TMEFF2: variants seen among roughly 807,000 people sequenced by gnomAD.
The protein encoded by TMEFF2 is transmembrane protein with EGF like and two follistatin like domains 2.
A neutral mutation model predicts 53.8 loss-of-function variants in TMEFF2; 28 were observed. That is an observed-to-expected ratio of 0.52 (90% CI 0.39 to 0.71). TMEFF2 has a LOEUF of 0.71. Ranked by LOEUF, TMEFF2 falls within the 30% of genes least tolerant of loss-of-function variation. The probability of loss-of-function intolerance (pLI) is 0.00; values close to 1 mark genes in which losing one functional copy is unlikely to be tolerated. For synonymous variants in TMEFF2, 162 were observed against 166.3 expected (o/e 0.97, Z 0.20); for missense variants, 353 against 455.2 (o/e 0.78, Z 2.04).
intron 2 of TMEFF2, among the ~76,000 whole-genome samples, chr2:192,185,172 A>T (rs1559162645): frequency 6.6e-6 from 1 of 152,102 alleles, no homozygotes; most frequent in Non-Finnish European, 1.5e-5. Flanking sequence ...CTATTAATAG[A>T]TATTCCATAA....
Position 191,992,839 on chromosome 2 carries a change from A to G in TMEFF2, c.745+5423T>C, listed in dbSNP as rs1686140107. The G allele has an allele frequency of 2.0e-5, 3 of 152,096 alleles. No individual in the cohort carries two copies. In the South Asian group the frequency reaches 6.2e-4, roughly 32 times the overall value. 9.4% of individuals were successfully genotyped at this position (152,096 alleles called of 1,614,324 possible). On this transcript the variant is annotated intron_variant, in intron 7 of 9. Transcript: ENST00000272771. ...ATAGATTTGAGTAACTCTTTTGAGC[A>G]TCTCACAAAACGTAACATCATGATG...
intron 7 of TMEFF2, among the ~76,000 whole-genome samples, chr2:191,997,646 T>G (rs1686254909): frequency 6.6e-6 from 1 of 151,626 alleles, no homozygotes; most frequent in Non-Finnish European, 1.5e-5. Flanking sequence ...TCTAGAAAAG[T>G]TAGATTAGCT....
At chr2:192,076,783 T>G (rs1289994297) in intron 4 of TMEFF2, among the ~76,000 whole-genome samples, 1 of 152,118 alleles carries the variant, frequency 6.6e-6, no homozygotes, top group East Asian at 1.9e-4. Flanking sequence ...TGGGGCAGGG[T>G]GTCCCACCAC....
chr2:192,113,057 T>C (rs543453235), intron 4 of TMEFF2, among the ~76,000 whole-genome samples: 1 of 152,338 alleles, frequency 6.6e-6, no homozygotes, highest in East Asian at 1.9e-4. Context: ...GAAATAATGA[T>C]CTGAAAATCT....
chr2:192,189,067 T>C (rs1691394779), intron 2 of TMEFF2, among the ~76,000 whole-genome samples: 1 of 152,192 alleles, frequency 6.6e-6, no homozygotes, highest in East Asian at 1.9e-4. Flanking sequence ...TCTCACCGGG[T>C]TGTGAGAAAT....
At chr2:192,058,552 C>T (rs1326326565) in intron 4 of TMEFF2, among the ~76,000 whole-genome samples, 1 of 152,020 alleles carries the variant, frequency 6.6e-6, no homozygotes, top group African/African-American at 2.4e-5. Context: ...GTTAGTCTTT[C>T]AAAATCAGGA....
chr2:192,186,114 A>G (rs148441125), intron 2 of TMEFF2, among the ~76,000 whole-genome samples: 75 of 152,282 alleles, frequency 4.9e-4, no homozygotes, highest in Non-Finnish European at 7.8e-4. Context: ...GACTCAGTCT[A>G]TGTATGTGAT....
chr2:191,969,256 A>T (rs1692563133), intron 7 of TMEFF2, among the ~76,000 whole-genome samples: 1 of 152,040 alleles, frequency 6.6e-6, no homozygotes, highest in Non-Finnish European at 1.5e-5. Context: ...TAGGCATAGG[A>T]GATATGTTTG....
At chr2:192,064,026 C>G (rs921635316) in intron 4 of TMEFF2, among the ~76,000 whole-genome samples, 1 of 151,712 alleles carries the variant, frequency 6.6e-6, no homozygotes, top group Non-Finnish European at 1.5e-5. Flanking sequence ...AGTCCTTTTA[C>G]TTCAATTATT....
intron 4 of TMEFF2, among the ~76,000 whole-genome samples, chr2:192,076,355 A>G (rs2105921307): frequency 6.6e-6 from 1 of 152,182 alleles, no homozygotes; most frequent in South Asian, 2.1e-4. Flanking sequence ...TAAATTCCTA[A>G]TATTTGGGAG....
At chr2:192,131,439 A>G (rs1324456244) in intron 4 of TMEFF2, among the ~76,000 whole-genome samples, 1 of 151,606 alleles carries the variant, frequency 6.6e-6, no homozygotes, top group African/African-American at 2.4e-5. Context: ...AGTACCCCTC[A>G]ACCCCTTCTC....
At chr2:192,074,055 A>T (rs1225790392) in intron 4 of TMEFF2, among the ~76,000 whole-genome samples, 2 of 151,990 alleles carry the variant, frequency 1.3e-5, no homozygotes, top group African/African-American at 2.4e-5. Flanking sequence ...GTCAACTGAG[A>T]TCACTCATCA....
chr2:192,062,210 T>A (rs960168578), intron 4 of TMEFF2, among the ~76,000 whole-genome samples: 6 of 152,168 alleles, frequency 3.9e-5, no homozygotes, highest in African/African-American at 1.4e-4. Flanking sequence ...CACAGATTAG[T>A]TTTAACTATT....
chr2:192,048,918 T>A (rs947934584), intron 5 of TMEFF2, among the ~76,000 whole-genome samples: 8 of 152,148 alleles, frequency 5.3e-5, no homozygotes, highest in African/African-American at 1.9e-4. Context: ...ATAACCATGA[T>A]AAGAATAATT....
intron 2 of TMEFF2, among the ~76,000 whole-genome samples, chr2:192,187,654 C>T (rs953562080): frequency 1.3e-5 from 2 of 152,140 alleles, no homozygotes; most frequent in African/African-American, 4.8e-5. Context: ...GGTCCATAAA[C>T]GTATGTGTTG....
At chr2:191,960,205 C>G (rs1156438607) in intron 7 of TMEFF2, among the ~76,000 whole-genome samples, 1 of 152,158 alleles carries the variant, frequency 6.6e-6, no homozygotes, top group Non-Finnish European at 1.5e-5. Context: ...CCAGCCTGAA[C>G]TAGCCAACCC....
At chr2:191,955,548 T>TTTTTTTTTTTTTTTTTG (rs1559059111) in intron 8 of TMEFF2, among the ~76,000 whole-genome samples, 1 of 145,272 alleles carries the variant, frequency 6.9e-6, no homozygotes, top group African/African-American at 2.5e-5. Context: ...TTTTTTTTTT[T>TTTTTTTTTTTTTTTTTG]AGAGATAGGA....
At chr2:192,079,141 C>G (rs1688496914) in intron 4 of TMEFF2, among the ~76,000 whole-genome samples, 1 of 152,176 alleles carries the variant, frequency 6.6e-6, no homozygotes, top group Non-Finnish European at 1.5e-5. Flanking sequence ...TCTTGGGCAG[C>G]CACAGCCAAA....
chr2:191,998,342 T>A, intron 6 of TMEFF2, 21 bp from the exon 7 acceptor site: 1 of 1,524,556 alleles, frequency 6.6e-7, no homozygotes, highest in Non-Finnish European at 9.0e-7. Flanking sequence ...AAATTAACAA[T>A]AAAAATTGAT....
Sources: allele counts gnomAD v4.1 joint callset (sites outside exome capture counted in the v4.1 genomes callset), GRCh38; gene constraint gnomAD v4.1.1; transcripts MANE v1.5; gene names NCBI Gene and HGNC (gene_info 2026-07-23, HGNC 2026-07-21).